The following DNAH14 variants were observed in gnomAD, a reference collection of about 807,000 sequenced individuals.
DNAH14 encodes dynein axonemal heavy chain 14, also known as axonemal beta dynein heavy chain 14.
Under a neutral mutation model 520.9 loss-of-function variants are expected in DNAH14, and 478 were observed. The ratio of observed to expected loss-of-function variants is 0.92; its 90% CI spans 0.85 to 0.99. The LOEUF (loss-of-function observed/expected upper bound fraction) is 0.99, where lower values mean the gene tolerates loss of function less well. Ranked by LOEUF, DNAH14 falls within the 50% of genes least tolerant of loss-of-function variation. The pLI is 0.00. For synonymous variants in DNAH14, 1,581 were observed against 1,757.2 expected, an observed-to-expected ratio of 0.90 and a Z score of 2.51; for missense variants, 4,831 against 5,234.5, an observed-to-expected ratio of 0.92 and a Z score of 2.38.
intron 22 of DNAH14, among the ~76,000 whole-genome samples, chr1:225,099,856 G>A (rs2075302060): frequency 6.6e-6 from 1 of 152,042 alleles, no homozygotes. Context: ...AGGCAAAAGA[G>A]GATTCAAAGT....
chr1:225,131,488 T>G (rs1033206322), intron 27 of DNAH14, among the ~76,000 whole-genome samples: 2 of 152,210 alleles, frequency 1.3e-5, no homozygotes, highest in Admixed American at 6.6e-5. Context: ...CCTAGCTCTC[T>G]CTGCTCACAG....
chr1:225,033,605 T>C (rs1215660014), intron 11 of DNAH14, among the ~76,000 whole-genome samples: 1 of 152,156 alleles, frequency 6.6e-6, no homozygotes, highest in Non-Finnish European at 1.5e-5. Flanking sequence ...TTTTTTCTAG[T>C]TCTGTGAAGA....
At chr1:225,061,449 C>T (rs2070091336) in intron 17 of DNAH14, among the ~76,000 whole-genome samples, 1 of 152,214 alleles carries the variant, frequency 6.6e-6, no homozygotes, top group African/African-American at 2.4e-5. Flanking sequence ...ATTCCCTGAC[C>T]CCTTGCGCTT....
intron 21 of DNAH14, among the ~76,000 whole-genome samples, chr1:225,089,442 C>CAAAAAAAAAAAAAAAAAAAAAAAAAAAAA (rs1169182387): frequency 3.3e-5 from 1 of 29,912 alleles, no homozygotes; most frequent in African/African-American, 1.4e-4. Context: ...AAAACTCCGT[C>CAAAAAAAAAAAAAAAAAAAAAAAAAAAAA]AAAAAAAAAA....
intron 41 of DNAH14, among the ~76,000 whole-genome samples, chr1:225,214,082 G>A (rs1379724443): frequency 2.6e-5 from 4 of 151,928 alleles, no homozygotes; most frequent in Non-Finnish European, 5.9e-5. Context: ...GATACATCCC[G>A]TCAATACCTA....
intron 76 of DNAH14, among the ~76,000 whole-genome samples, chr1:225,365,207 T>C (rs12754197): frequency 0.1 from 15,177 of 152,310 alleles, 1,048 homozygotes; most frequent in East Asian, 0.35. Context: ...TTCTTATTTC[T>C]GCCCTACTTA....
At chr1:225,372,230 A>C (rs1007048394) in intron 77 of DNAH14, among the ~76,000 whole-genome samples, 40 of 152,228 alleles carry the variant, frequency 2.6e-4, no homozygotes, top group African/African-American at 9.2e-4. Flanking sequence ...GAAGTTTCAG[A>C]ATTAATAAAA....
chr1:225,374,475 G>T (rs2095670509), intron 77 of DNAH14, among the ~76,000 whole-genome samples: 1 of 151,300 alleles, frequency 6.6e-6, no homozygotes, highest in Non-Finnish European at 1.5e-5. Context: ...TGGTCAGGCT[G>T]GTCTCGAACT....
At chr1:225,187,646 A>G (rs1016957413) in intron 37 of DNAH14, among the ~76,000 whole-genome samples, 6 of 151,884 alleles carry the variant, frequency 4.0e-5, no homozygotes, top group Admixed American at 6.6e-5. Flanking sequence ...TATCCTCACC[A>G]ACATTTATTA....
chr1:225,043,196 G>A, intron 13 of DNAH14, 82 bp downstream of exon 13: 1 of 1,348,550 alleles, frequency 7.4e-7, no homozygotes, highest in Non-Finnish European at 9.8e-7. Flanking sequence ...CTGGGAGGCT[G>A]AGGTGGGAGG....
At chr1:225,246,181 G>GAA (rs2092274382) in intron 43 of DNAH14, among the ~76,000 whole-genome samples, 1 of 148,474 alleles carries the variant, frequency 6.7e-6, no homozygotes, top group Admixed American at 6.7e-5. Flanking sequence ...GCCATATGCA[G>GAA]AAAACTGAAA....
At chr1:225,021,022 A>G (rs762708251) in intron 10 of DNAH14, among the ~76,000 whole-genome samples, 3 of 152,240 alleles carry the variant, frequency 2.0e-5, no homozygotes, top group African/African-American at 4.8e-5. Context: ...GTGATTTATT[A>G]TGTAATCAGA....
chr1:225,165,119 A>T (rs2081922268), intron 35 of DNAH14, among the ~76,000 whole-genome samples: 1 of 152,092 alleles, frequency 6.6e-6, no homozygotes, highest in Admixed American at 6.5e-5. Flanking sequence ...TCATTATAAA[A>T]TTCTAACTTT....
chr1:225,171,446 C>T (rs1233677506), intron 36 of DNAH14, among the ~76,000 whole-genome samples: 10 of 152,006 alleles, frequency 6.6e-5, no homozygotes, highest in East Asian at 1.9e-4. Context: ...ATATCACCAC[C>T]GATCCCGCAG....
chr1:225,140,987 A>C lies in DNAH14; in HGVS notation c.4474A>C (p.Asn1492His), dbSNP rs1412323166. ...RDIVINLLLK[N>H]IFNAEDFEWT... ...TATAGTGATAAATTTACTACTTAAAAATATCTTCAATGCAGAGGATTTTGA... is the reference window on the plus strand; with the variant it reads ...TATAGTGATAAATTTACTACTTAAACATATCTTCAATGCAGAGGATTTTGA... The change falls in exon 28 of 86, where the codon AAT (asparagine) becomes CAT (histidine). Residue 1492 changes from asparagine to histidine, a missense_variant. Physicochemically the swap from Asn to His is moderately conservative, Grantham distance 68 (BLOSUM62 1). Coordinates refer to ENST00000682510, the MANE Select transcript of DNAH14 (RefSeq NM_001367479.1). The C allele has an allele frequency of 1.3e-6, 2 of 1,550,678 alleles. No homozygotes were observed. The highest frequency in any genetic ancestry group is 1.7e-6 in the Non-Finnish European group (2 of 1,146,456).
At position 225,211,970 on chromosome 1, in the gene DNAH14, G is replaced by A. The variant is rs928113337; in HGVS notation, c.6439+4750G>A. Among the ~76,000 whole-genome samples the A allele has an allele frequency of 1.2e-3, 188 of 151,054 alleles. 2 individuals are homozygous for A. The highest frequency in any genetic ancestry group is 6.9e-3 in the Middle Eastern group (2 of 290). On this transcript the variant is annotated intron_variant, in intron 41 of 85. Coordinates refer to ENST00000682510, the MANE Select transcript of DNAH14 (RefSeq NM_001367479.1). Reference sequence around the variant, plus strand: ...TGTGCACAACGTGCAGGTTTGTTACGTATGTATACATGTGCCTTGTTGGTG... The same window carrying A: ...TGTGCACAACGTGCAGGTTTGTTACATATGTATACATGTGCCTTGTTGGTG...
Position 225,194,403 on chromosome 1 carries a change from G to A in DNAH14, c.5886+1492G>A, listed in dbSNP as rs117439116. Among the ~76,000 whole-genome samples, 156 of 152,098 alleles carry A rather than the reference G, an allele frequency of 1.0e-3. 1 individual carries two copies. The East Asian group carries it at 0.021, about 20-fold the overall frequency. On this transcript the variant is annotated intron_variant, in intron 38 of 85. Coordinates refer to ENST00000682510, the MANE Select transcript of DNAH14 (RefSeq NM_001367479.1). ...TCTTTGACAAAGTTGACAAAAAGTT[G>A]CCAAAGTTTGAAAAAATAAGCAGTG...
At chr1:225,268,869 G>C (rs951421330) in intron 49 of DNAH14, among the ~76,000 whole-genome samples, 16 of 152,266 alleles carry the variant, frequency 1.1e-4, no homozygotes, top group Non-Finnish European at 2.1e-4. Flanking sequence ...CTCATGGATA[G>C]GAAGAATCAA....
chr1:225,389,648 G>T, intron 82 of DNAH14, 86 bp from the exon 83 acceptor site: 1 of 1,417,772 alleles, frequency 7.1e-7, no homozygotes, highest in Non-Finnish European at 9.5e-7. Flanking sequence ...GTAAAAGAAG[G>T]GCCCTGGGAG....
Sources: gnomAD v4.1 joint callset for allele counts (sites outside exome capture counted in the v4.1 genomes callset) on GRCh38, gnomAD v4.1.1 for gene constraint, MANE v1.5 for transcripts, NCBI Gene and HGNC (gene_info 2026-07-23, HGNC 2026-07-21) for gene names.